Variants in CEP112 observed in about 807,000 individuals in gnomAD.
The protein encoded by CEP112 is centrosomal protein of 112 kDa.
A neutral mutation model predicts 153.0 loss-of-function variants in CEP112; 127 were observed. The ratio of observed to expected loss-of-function variants is 0.83; its 90% CI spans 0.72 to 0.96. The LOEUF is 0.96. CEP112 is among the 40% of genes least tolerant of loss of function. CEP112 has a pLI of 0.00. For synonymous variants in CEP112, 358 were observed against 374.4 expected, an observed-to-expected ratio of 0.96 and a Z score of 0.51; for missense variants, 1,089 against 1,101.2, an observed-to-expected ratio of 0.99 and a Z score of 0.16.
At chr17:66,168,330 T>G (rs2072070222) in intron 4 of CEP112, among the ~76,000 whole-genome samples, 1 of 152,026 alleles carries the variant, frequency 6.6e-6, no homozygotes, top group Admixed American at 6.6e-5. Flanking sequence ...TCCTATACTT[T>G]ATGTACTTCT....
At chr17:66,116,796 T>C (rs1027948573) in intron 6 of CEP112, among the ~76,000 whole-genome samples, 2 of 152,064 alleles carry the variant, frequency 1.3e-5, no homozygotes, top group African/African-American at 2.4e-5. Context: ...ATACTTTTTA[T>C]TCACTTTTAG....
intron 23 of CEP112, among the ~76,000 whole-genome samples, chr17:65,703,317 C>T (rs943823672): frequency 6.6e-6 from 1 of 152,012 alleles, no homozygotes; most frequent in Non-Finnish European, 1.5e-5. Context: ...TCAAGACCAG[C>T]TTGGCCAACG....
At chr17:66,025,773 C>T (rs2065174325) in intron 16 of CEP112, among the ~76,000 whole-genome samples, 1 of 152,104 alleles carries the variant, frequency 6.6e-6, no homozygotes, top group Admixed American at 6.6e-5. Flanking sequence ...ATAAAACTAC[C>T]ATCTGATCCA....
chr17:65,746,165 CAAAAAAAA>C (rs56361589), intron 22 of CEP112, among the ~76,000 whole-genome samples: 28 of 49,480 alleles, frequency 5.7e-4, no homozygotes, highest in Admixed American at 4.6e-3. Context: ...AACTCCATCT[CAAAAAAAA>C]AAAAAAAAAA....
At chr17:66,148,705 G>C (rs189211233) in intron 4 of CEP112, among the ~76,000 whole-genome samples, 1 of 152,066 alleles carries the variant, frequency 6.6e-6, no homozygotes, top group Non-Finnish European at 1.5e-5. Context: ...CACTGATTTT[G>C]TATCCTGCAA....
Position 65,636,114 on chromosome 17 carries a change from A to G in CEP112, c.2865-140T>C. The G allele has an allele frequency of 1.3e-5, 10 of 786,326 alleles. 1 individual carries two copies. Among genetic ancestry groups the G allele is most frequent in the Admixed American group, 2.4e-5 (1 of 41,572 alleles). The allele number at this position is 786,326 out of a possible 1,614,324, so 48.7% of individuals were successfully genotyped here. A position where few individuals can be genotyped will look rare whatever the true frequency, so the allele number is the denominator to read the frequency against. On this transcript the variant is annotated intron_variant, in intron 26 of 26. Coordinates refer to ENST00000535342, the MANE Select transcript of CEP112 (RefSeq NM_001199165.4). ...AAAATGTCATAATTTATGCTTATCT[A>G]TAAGGGATCAAATCTTACCTACACC... is the stretch of plus-strand genomic sequence containing the variant.
At position 65,641,025 on chromosome 17, in the gene CEP112, C is replaced by T. The variant is rs750695418; in HGVS notation, c.2738G>A (p.Gly913Glu). The T allele has an allele frequency of 6.2e-7, 1 of 1,611,426 alleles. No homozygotes were observed. The highest frequency in any genetic ancestry group is 1.7e-5 in the Admixed American group (1 of 60,000). ...TTGTCTTAGGGATGCTGGCATCAAT[C>T]CTTTCAATTTTGTTTCATATTCTTG... ...IRQEYETKLK[G>E]LMPASLRQEL... is the part of the protein sequence containing the mutation. Residue 913 changes from glycine (G) to glutamate (E), a missense_variant, in exon 25 of 27, where the codon GGA (glycine) becomes GAA (glutamate). Gly to Glu is a moderately conservative substitution (Grantham distance 98, BLOSUM62 -2). Coordinates refer to ENST00000535342, the MANE Select transcript of CEP112 (RefSeq NM_001199165.4).
At chr17:66,026,351 A>G (rs890811125) in intron 16 of CEP112, among the ~76,000 whole-genome samples, 1 of 152,170 alleles carries the variant, frequency 6.6e-6, no homozygotes, top group African/African-American at 2.4e-5. Flanking sequence ...ATAACCCCCT[A>G]GTTATTACAG....
rs543768697 is a variant in CEP112 at position 65,870,014 on chromosome 17, T to A, written c.2164-17980A>T. ...AGAGGACAGTACTCTAGGTAGAGAA[T>A]AAGAAAGAAAGAAAGAAAGAAAGAA... On this transcript the variant is annotated intron_variant, in intron 20 of 26. Coordinates refer to ENST00000535342, the MANE Select transcript of CEP112 (RefSeq NM_001199165.4). 6.0e-4 allele frequency among the ~76,000 whole-genome samples: 27 copies of A among 44,676 alleles called. 1 individual carries two copies. The South Asian group carries it at 0.019, about 32-fold the overall frequency. 29.3% of individuals were successfully genotyped at this position (44,676 alleles called of 152,430 possible). A position where few individuals can be genotyped will look rare whatever the true frequency, so the allele number is the denominator to read the frequency against.
intron 21 of CEP112, among the ~76,000 whole-genome samples, chr17:65,810,296 C>T (rs777672031): frequency 4.6e-5 from 7 of 151,994 alleles, no homozygotes; most frequent in Non-Finnish European, 8.8e-5. Context: ...TTGCATCTCC[C>T]CTTCCCCACA....
intron 6 of CEP112, among the ~76,000 whole-genome samples, chr17:66,119,973 T>C (rs773642565): frequency 1.3e-5 from 2 of 152,162 alleles, no homozygotes; most frequent in African/African-American, 2.4e-5. Context: ...ATCTTTTAAT[T>C]AGGTTGTTTT....
intron 9 of CEP112, among the ~76,000 whole-genome samples, chr17:66,069,131 C>T (rs1302409481): frequency 6.6e-6 from 1 of 151,540 alleles, no homozygotes; most frequent in Non-Finnish European, 1.5e-5. Flanking sequence ...ATACATAATC[C>T]TGATGCTGTA....
chr17:65,777,785 G>A (rs1806402873), intron 21 of CEP112, among the ~76,000 whole-genome samples: 1 of 151,552 alleles, frequency 6.6e-6, no homozygotes, highest in African/African-American at 2.4e-5. Context: ...ATTTTTTTCT[G>A]GAAGAGAATC....
chr17:65,658,737 T>C (rs771579456), intron 24 of CEP112, among the ~76,000 whole-genome samples: 1 of 151,990 alleles, frequency 6.6e-6, no homozygotes. Context: ...AGAACAGGAA[T>C]GTCCCAGGAG....
At chr17:65,965,769 C>T (rs988777269) in intron 17 of CEP112, among the ~76,000 whole-genome samples, 1 of 152,034 alleles carries the variant, frequency 6.6e-6, no homozygotes, top group Non-Finnish European at 1.5e-5. Flanking sequence ...CGATCCACCC[C>T]GGTCTCCTAA....
intron 21 of CEP112, among the ~76,000 whole-genome samples, chr17:65,779,608 G>GTGA (rs1478432274): frequency 1.3e-5 from 2 of 152,254 alleles, no homozygotes; most frequent in African/African-American, 4.8e-5. Flanking sequence ...ATCTGCAAAT[G>GTGA]TCACTGATCC....
intron 17 of CEP112, among the ~76,000 whole-genome samples, chr17:65,980,613 G>A (rs1414446703): frequency 6.6e-6 from 1 of 151,962 alleles, no homozygotes; most frequent in Admixed American, 6.6e-5. Flanking sequence ...TTAGCTTATT[G>A]GCAAGAAATA....
intron 16 of CEP112, among the ~76,000 whole-genome samples, chr17:66,007,370 A>G (rs544801500): frequency 1.3e-5 from 2 of 152,310 alleles, no homozygotes; most frequent in Admixed American, 1.3e-4. Context: ...AATTTTTGCC[A>G]CTACATTTAT....
At chr17:66,023,000 G>T (rs1473003044) in intron 16 of CEP112, among the ~76,000 whole-genome samples, 2 of 151,894 alleles carry the variant, frequency 1.3e-5, no homozygotes, top group Non-Finnish European at 2.9e-5. Flanking sequence ...AATTAATCCA[G>T]TTAAACAAAA....
Sources: allele counts gnomAD v4.1 joint callset (sites outside exome capture counted in the v4.1 genomes callset), GRCh38; gene constraint gnomAD v4.1.1; transcripts MANE v1.5; gene names NCBI Gene and HGNC (gene_info 2026-07-23, HGNC 2026-07-21).